CREB5: variants seen among roughly 807,000 people sequenced by gnomAD.
The protein encoded by CREB5 is cAMP responsive element binding protein 5, also known as cyclic AMP-responsive element-binding protein 5.
A neutral mutation model predicts 57.1 loss-of-function variants in CREB5; 19 were observed. That is an observed-to-expected ratio of 0.33 (90% confidence interval 0.23 to 0.49). CREB5 has a LOEUF of 0.49. CREB5 is among the 20% of genes least tolerant of loss of function. CREB5 has a pLI of 0.99. For synonymous variants in CREB5, 238 were observed against 238.3 expected, an observed-to-expected ratio of 1.00 and a Z score of 0.01; for missense variants, 579 against 671.6, an observed-to-expected ratio of 0.86 and a Z score of 1.52.
intron 1 of CREB5, among the ~76,000 whole-genome samples, chr7:28,305,813 C>G (rs1278615039): frequency 6.7e-6 from 1 of 150,078 alleles, no homozygotes; most frequent in East Asian, 1.9e-4. Flanking sequence ...ACATATTCTC[C>G]TTGTGAGCTA....
intron 3 of CREB5, among the ~76,000 whole-genome samples, chr7:28,496,766 C>G (rs80001738): frequency 0.011 from 1,707 of 151,558 alleles, 32 homozygotes; most frequent in African/African-American, 0.039. Flanking sequence ...CTTCACCCAC[C>G]ACTCGCCACC....
At chr7:28,444,989 A>G (rs528711661) in intron 1 of CREB5, among the ~76,000 whole-genome samples, 2 of 152,194 alleles carry the variant, frequency 1.3e-5, no homozygotes, top group Non-Finnish European at 1.5e-5. Flanking sequence ...CATAATCCCC[A>G]TATGTGGTGG....
At position 28,479,369 on chromosome 7, in the gene CREB5, G is replaced by A. The variant is rs187087670; in HGVS notation, c.4-8806G>A. 1.3e-3 allele frequency among the ~76,000 whole-genome samples: 196 copies of A among 152,240 alleles called. 1 individual carries two copies. Among genetic ancestry groups the A allele is most frequent in the African/African-American group, 4.4e-3 (184 of 41,544 alleles). ...AATAGCAGACAATAATTGGTTTCAC[G>A]TATTTCCAAATCCCCTTACTGGGCC... On this transcript the variant is annotated intron_variant, in intron 1 of 10. Transcript: ENST00000357727.
At chr7:28,369,494 C>T (rs1345592195) in intron 1 of CREB5, among the ~76,000 whole-genome samples, 1 of 152,204 alleles carries the variant, frequency 6.6e-6, no homozygotes, top group Non-Finnish European at 1.5e-5. Context: ...CTTTACATCC[C>T]AGTTTCCTCA....
At chr7:28,657,189 A>C (rs1426371716) in intron 5 of CREB5, among the ~76,000 whole-genome samples, 3 of 152,176 alleles carry the variant, frequency 2.0e-5, no homozygotes, top group Non-Finnish European at 4.4e-5. Context: ...TGTAGTTGTA[A>C]AATAATTTTT....
At chr7:28,346,245 A>G (rs1307429531) in intron 1 of CREB5, among the ~76,000 whole-genome samples, 1 of 152,232 alleles carries the variant, frequency 6.6e-6, no homozygotes, top group Admixed American at 6.5e-5. Context: ...TAAACAACAG[A>G]CATTTATTTC....
At chr7:28,355,280 AGAG>A (rs1490137786) in intron 1 of CREB5, among the ~76,000 whole-genome samples, 1 of 152,204 alleles carries the variant, frequency 6.6e-6, no homozygotes, top group Non-Finnish European at 1.5e-5. Flanking sequence ...TGGACAGGAC[AGAG>A]GAGGTCTGGT....
At chr7:28,525,998 AG>A (rs1188698319) in intron 4 of CREB5, among the ~76,000 whole-genome samples, 2 of 152,240 alleles carry the variant, frequency 1.3e-5, no homozygotes, top group East Asian at 3.8e-4. Context: ...TCCAAGAATC[AG>A]AGACTGCTGA....
intron 5 of CREB5, among the ~76,000 whole-genome samples, chr7:28,704,223 T>C (rs1232844568): frequency 6.6e-6 from 1 of 152,186 alleles, no homozygotes; most frequent in Non-Finnish European, 1.5e-5. Context: ...TTCCTGCTCA[T>C]CCAAAGGATT....
chr7:28,518,613 G>C (rs73299169), intron 4 of CREB5, among the ~76,000 whole-genome samples: 1 of 152,128 alleles, frequency 6.6e-6, no homozygotes, highest in Non-Finnish European at 1.5e-5. Context: ...GAATGTGGTG[G>C]GCATGCGAGT....
intron 1 of CREB5, among the ~76,000 whole-genome samples, chr7:28,415,174 AT>A (rs2128005520): frequency 6.6e-6 from 1 of 152,240 alleles, no homozygotes; most frequent in Admixed American, 6.5e-5. Flanking sequence ...ACTAGAACTG[AT>A]TTTAGAGGGA....
intron 1 of CREB5, among the ~76,000 whole-genome samples, chr7:28,458,912 G>A (rs1790228659): frequency 6.6e-6 from 1 of 152,228 alleles, no homozygotes. Flanking sequence ...TGCATGCTAT[G>A]CTTTGGGTGT....
At chr7:28,459,702 G>T (rs568307125) in intron 1 of CREB5, among the ~76,000 whole-genome samples, 12 of 152,210 alleles carry the variant, frequency 7.9e-5, no homozygotes, top group African/African-American at 1.9e-4. Context: ...GCAGGGTGAC[G>T]TAAGGGGGTG....
chr7:28,755,311 G>T lies in CREB5; in HGVS notation c.702+30979G>T, dbSNP rs140621428. On this transcript the variant is annotated intron_variant, in intron 7 of 10. Coordinates refer to ENST00000357727, the MANE Select transcript of CREB5 (RefSeq NM_182898.4). ...ACAATAGTGTAAAGAGAAGGGTATT[G>T]GTGCCGTATTTATAACAGCTGCTGA... Among the ~76,000 whole-genome samples the T allele has an allele frequency of 2.6e-5, 4 of 152,326 alleles. No individual in the cohort carries two copies. The East Asian group carries it at 7.7e-4, about 29-fold the overall frequency.
chr7:28,560,866 C>CGTGCGTGCGCGCG (rs1562797336), intron 4 of CREB5, among the ~76,000 whole-genome samples: 1 of 50,264 alleles, frequency 2.0e-5, no homozygotes, highest in Non-Finnish European at 4.3e-5. Flanking sequence ...GTGCGTGTGC[C>CGTGCGTGCGCGCG]TGCGTGCGCG....
At chr7:28,791,330 C>T (rs1399262452) in intron 7 of CREB5, among the ~76,000 whole-genome samples, 1 of 152,178 alleles carries the variant, frequency 6.6e-6, no homozygotes, top group East Asian at 1.9e-4. Flanking sequence ...TTCTTTCTTG[C>T]TACTCTCGCG....
At chr7:28,385,461 G>C (rs1343372660) in intron 1 of CREB5, among the ~76,000 whole-genome samples, 1 of 152,068 alleles carries the variant, frequency 6.6e-6, no homozygotes. Flanking sequence ...CAGACAGCTT[G>C]AGCCCAGGAG....
At chr7:28,466,210 T>TAAAA (rs5883134) in intron 1 of CREB5, among the ~76,000 whole-genome samples, 4 of 94,750 alleles carry the variant, frequency 4.2e-5, no homozygotes, top group African/African-American at 1.2e-4. Flanking sequence ...TGACTGGAGT[T>TAAAA]AAAAAAAAAA....
intron 1 of CREB5, among the ~76,000 whole-genome samples, chr7:28,344,816 G>GAT (rs1156585160): frequency 2.0e-5 from 3 of 152,036 alleles, no homozygotes; most frequent in Non-Finnish European, 4.4e-5. Flanking sequence ...AAAGGTAGAA[G>GAT]ATATTCCATG....
Sources: allele counts gnomAD v4.1 joint callset (sites outside exome capture counted in the v4.1 genomes callset), GRCh38; gene constraint gnomAD v4.1.1; transcripts MANE v1.5; gene names NCBI Gene and HGNC (gene_info 2026-07-23, HGNC 2026-07-21).